PPP2R2B: variants seen among roughly 807,000 people sequenced by gnomAD.
The protein encoded by PPP2R2B is protein phosphatase 2 regulatory subunit Bbeta, also known as serine/threonine-protein phosphatase 2A 55 kDa regulatory subunit B beta isoform.
Under a neutral mutation model 46.0 loss-of-function variants are expected in PPP2R2B, and 5 were observed. The ratio of observed to expected loss-of-function variants is 0.11; its 90% CI spans 0.06 to 0.23. The LOEUF is 0.23. Among genes scored for constraint, PPP2R2B ranks in the 10% least tolerant of loss-of-function variants. The pLI is 1.00. For missense variants in PPP2R2B, 367 were observed against 575.0 expected (o/e 0.64, Z 3.70); for synonymous variants, 215 against 206.7 (o/e 1.04, Z -0.34).
At chr5:146,910,208 C>T (rs186578624) in intron 1 of PPP2R2B, among the ~76,000 whole-genome samples, 50 of 152,114 alleles carry the variant, frequency 3.3e-4, no homozygotes, top group South Asian at 6.2e-4. Flanking sequence ...TTTCACGAGC[C>T]TAATAACAAG....
chr5:146,990,365 A>T (rs1753640217), intron 1 of PPP2R2B, among the ~76,000 whole-genome samples: 1 of 152,164 alleles, frequency 6.6e-6, no homozygotes. Flanking sequence ...ACAGCATGGT[A>T]CTTATAGAAA....
intron 2 of PPP2R2B, among the ~76,000 whole-genome samples, chr5:146,790,489 A>T (rs1026684213): frequency 6.6e-6 from 1 of 152,202 alleles, no homozygotes; most frequent in African/African-American, 2.4e-5. Flanking sequence ...CTTTCTACCC[A>T]CAGACTAGAA....
chr5:146,795,576 A>T (rs1478195538), intron 2 of PPP2R2B, among the ~76,000 whole-genome samples: 1 of 152,138 alleles, frequency 6.6e-6, no homozygotes, highest in Non-Finnish European at 1.5e-5. Context: ...CAGAGACCTA[A>T]TATACAACAT....
chr5:147,069,603 C>T (rs1265300140), intron 2 of PPP2R2B, among the ~76,000 whole-genome samples: 1 of 152,130 alleles, frequency 6.6e-6, no homozygotes, highest in Admixed American at 6.5e-5. Context: ...AGGGCCTTCA[C>T]ACTTGTTGTC....
At chr5:146,746,602 C>T (rs1299753900) in intron 2 of PPP2R2B, among the ~76,000 whole-genome samples, 1 of 152,212 alleles carries the variant, frequency 6.6e-6, no homozygotes, top group Non-Finnish European at 1.5e-5. Flanking sequence ...CTCAATTTCT[C>T]ACTACAATTA....
At chr5:147,056,713 T>C (rs1057245922), upstream of PPP2R2B, among the ~76,000 whole-genome samples, 18 of 152,112 alleles carry the variant, frequency 1.2e-4, no homozygotes, top group African/African-American at 4.1e-4. Flanking sequence ...CAGAGACAGA[T>C]AGACTGATAT....
At chr5:146,602,031 A>G (rs985231591) in intron 7 of PPP2R2B, among the ~76,000 whole-genome samples, 1 of 152,144 alleles carries the variant, frequency 6.6e-6, no homozygotes, top group Non-Finnish European at 1.5e-5. Context: ...TCCCACTTCT[A>G]TTCATTGCCT....
In PPP2R2B at chr5:146,701,219, TG is replaced by T. The variant is rs756844563; in HGVS notation, c.71-78del. 233 of 1,265,164 alleles carry T rather than the reference TG, an allele frequency of 1.8e-4. 3 individuals are homozygous for T. In the Admixed American group the frequency reaches 3.8e-3, roughly 21 times the overall value. The allele number at this position is 1,265,164 out of a possible 1,614,324, so 78.4% of individuals were successfully genotyped here. Reference sequence around the variant, plus strand: ...AGGATAGATAATAGATATACTTTTCTGTGCATTTAAGGGCTTAGGGCTTTGT... The same window carrying T: ...AGGATAGATAATAGATATACTTTTCTTGCATTTAAGGGCTTAGGGCTTTGT... On this transcript the variant is annotated intron_variant, in intron 2 of 9. Transcript: ENST00000394411.
At chr5:146,690,087 A>G (rs939178316) in intron 5 of PPP2R2B, among the ~76,000 whole-genome samples, 3 of 152,214 alleles carry the variant, frequency 2.0e-5, no homozygotes, top group Non-Finnish European at 4.4e-5. Context: ...GCAAGAACCT[A>G]TTTTCCTCAC....
intron 2 of PPP2R2B, among the ~76,000 whole-genome samples, chr5:146,867,929 G>C (rs1238293083): frequency 1.3e-5 from 2 of 152,138 alleles, no homozygotes; most frequent in African/African-American, 4.8e-5. Flanking sequence ...CCTGGTTTCT[G>C]AAAAAATTAT....
intron 1 of PPP2R2B, among the ~76,000 whole-genome samples, chr5:147,009,655 A>C (rs1279769618): frequency 6.6e-6 from 1 of 152,146 alleles, no homozygotes; most frequent in Non-Finnish European, 1.5e-5. Flanking sequence ...CAAAAATTTT[A>C]GAAAAACTGA....
At chr5:146,649,684 A>C (rs1305492440) in intron 6 of PPP2R2B, among the ~76,000 whole-genome samples, 3 of 152,160 alleles carry the variant, frequency 2.0e-5, no homozygotes, top group Non-Finnish European at 4.4e-5. Flanking sequence ...CTCTGACCTG[A>C]AGCAATCCAC....
intron 1 of PPP2R2B, among the ~76,000 whole-genome samples, chr5:146,957,145 C>T (rs1302904393): frequency 6.6e-6 from 1 of 152,150 alleles, no homozygotes; most frequent in African/African-American, 2.4e-5. Context: ...TTACCACTTG[C>T]AGTAAATATG....
In PPP2R2B at chr5:146,583,832, C is replaced by T. The variant is rs538985509; in HGVS notation, c.*6115G>A. The T allele has an allele frequency of 3.3e-5, 5 of 152,336 alleles. No individual in the cohort carries two copies. In the East Asian group the frequency reaches 9.6e-4, roughly 29 times the overall value. 9.4% of individuals were successfully genotyped at this position (152,336 alleles called of 1,614,324 possible). A position where few individuals can be genotyped will look rare whatever the true frequency, so the allele number is the denominator to read the frequency against. ...CCAGCTTCCTCAGTCTTCCATGACT[C>T]CCACAAGTATGTATTACTCTGGCTG... On this transcript the variant is annotated 3_prime_UTR_variant, in exon 10 of 10. Coordinates refer to ENST00000394411, the MANE Select transcript of PPP2R2B (RefSeq NM_181675.4).
chr5:146,654,183 C>G (rs1367894970), intron 5 of PPP2R2B, among the ~76,000 whole-genome samples: 1 of 152,146 alleles, frequency 6.6e-6, no homozygotes, highest in Non-Finnish European at 1.5e-5. Flanking sequence ...CCTGCCCCAC[C>G]CAACTCCAAG....
chr5:146,694,630 G>A (rs1351389067), intron 4 of PPP2R2B, among the ~76,000 whole-genome samples: 1 of 151,926 alleles, frequency 6.6e-6, no homozygotes, highest in Non-Finnish European at 1.5e-5. Flanking sequence ...TGTACTTTGG[G>A]GGGAGAATAC....
rs76090676 is a variant in PPP2R2B, at chr5:146,848,993, T to G, written c.70+29009A>C. Among the ~76,000 whole-genome samples, 1,272 of 152,356 alleles carry G rather than the reference T, an allele frequency of 8.3e-3. 21 individuals carry two copies. The highest frequency in any genetic ancestry group is 0.029 in the African/African-American group (1,207 of 41,582). Reference sequence around the variant, plus strand: ...CCATTAGGAGCTCTTCCAGTTGATTTCGGTGTCCTTTTGACATACCTCCAT... The same window carrying G: ...CCATTAGGAGCTCTTCCAGTTGATTGCGGTGTCCTTTTGACATACCTCCAT... On this transcript the variant is annotated intron_variant, in intron 2 of 9. Coordinates refer to ENST00000394411, the MANE Select transcript of PPP2R2B (RefSeq NM_181675.4).
chr5:146,642,391 C>T (rs1775280158), intron 6 of PPP2R2B, among the ~76,000 whole-genome samples: 1 of 152,180 alleles, frequency 6.6e-6, no homozygotes, highest in African/African-American at 2.4e-5. Flanking sequence ...GCCATTCAAA[C>T]ATCATTTCCT....
chr5:146,595,961 A>G (rs1771127171), intron 8 of PPP2R2B, among the ~76,000 whole-genome samples: 1 of 152,204 alleles, frequency 6.6e-6, no homozygotes, highest in African/African-American at 2.4e-5. Context: ...CTATGAGGCA[A>G]ACAAAGAGCC....
Sources: allele counts gnomAD v4.1 joint callset (sites outside exome capture counted in the v4.1 genomes callset), GRCh38; gene constraint gnomAD v4.1.1; transcripts MANE v1.5; gene names NCBI Gene and HGNC (gene_info 2026-07-23, HGNC 2026-07-21).